Variants in MSRA observed in about 807,000 individuals in gnomAD.
MSRA encodes the protein mitochondrial peptide methionine sulfoxide reductase.
MSRA carries 54 observed loss-of-function variants against 31.3 expected under a neutral mutation model. The ratio of observed to expected loss-of-function variants is 1.73; its 90% CI spans 1.39 to 2.17. The LOEUF is 2.17. MSRA is among the 30% of genes most tolerant of loss of function. MSRA has a pLI of 0.00. For synonymous variants in MSRA, 169 were observed against 116.5 expected, an observed-to-expected ratio of 1.45 and a Z score of -2.90; for missense variants, 507 against 300.9, an observed-to-expected ratio of 1.69 and a Z score of -5.07.
intron 1 of MSRA, among the ~76,000 whole-genome samples, chr8:10,125,483 G>A (rs1227721356): frequency 2.6e-5 from 4 of 152,208 alleles, no homozygotes; most frequent in African/African-American, 9.6e-5. Context: ...CAGGGCCAGA[G>A]GGAGTCAGTT....
In MSRA at chr8:10,428,051, G is replaced by T. The variant is rs571592064; in HGVS notation, c.544-97G>T. 4.4e-6 allele frequency: 6 copies of T among 1,350,112 alleles called. No homozygotes were observed. In the South Asian group the frequency reaches 6.0e-5, roughly 13 times the overall value. The allele number at this position is 1,350,112 out of a possible 1,614,324, so 83.6% of individuals were successfully genotyped here. On this transcript the variant is annotated intron_variant, in intron 5 of 5. Transcript: ENST00000317173. Reference sequence around the variant, plus strand: ...GGACCCACTGCACATCCCAAGCCACGCGTCTGCTCACTGCAGCCCTGGCCC... The same window carrying T: ...GGACCCACTGCACATCCCAAGCCACTCGTCTGCTCACTGCAGCCCTGGCCC...
At chr8:10,125,151 C>T (rs921341653) in intron 1 of MSRA, among the ~76,000 whole-genome samples, 2 of 152,218 alleles carry the variant, frequency 1.3e-5, no homozygotes, top group African/African-American at 4.8e-5. Flanking sequence ...TGTGCTTGAA[C>T]ATTGTAATGG....
intron 5 of MSRA, among the ~76,000 whole-genome samples, chr8:10,419,913 C>T (rs866604173): frequency 3.2e-4 from 49 of 152,342 alleles, no homozygotes; most frequent in African/African-American, 1.1e-3. Flanking sequence ...CTTCTGCTGT[C>T]ACGTTCCTTT....
intron 5 of MSRA, chr8:10,326,365 T>A (rs1464226186): frequency 6.6e-6 from 1 of 152,184 alleles, no homozygotes; most frequent in Non-Finnish European, 1.5e-5. Context: ...GATTTTCCAT[T>A]GAAACTGTGG....
At chr8:10,276,063 C>T (rs997211564) in intron 3 of MSRA, among the ~76,000 whole-genome samples, 1 of 152,184 alleles carries the variant, frequency 6.6e-6, no homozygotes, top group East Asian at 1.9e-4. Context: ...CCTCTCGCTC[C>T]GTGTCTGGGC....
chr8:10,066,755 G>T (rs1352125474), intron 1 of MSRA, among the ~76,000 whole-genome samples: 7 of 151,968 alleles, frequency 4.6e-5, no homozygotes. Context: ...GGCTGGTCTC[G>T]AACTCCTGAC....
intron 3 of MSRA, among the ~76,000 whole-genome samples, chr8:10,283,836 T>TATATATATATATACACACACACAC (rs1261287031): frequency 1.7e-4 from 9 of 53,150 alleles, no homozygotes; most frequent in African/African-American, 2.6e-4. Context: ...TATATATATA[T>TATATATATATATACACACACACAC]ACACACACAC....
chr8:10,199,164 A>G (rs1186056276), intron 1 of MSRA, among the ~76,000 whole-genome samples: 1 of 152,106 alleles, frequency 6.6e-6, no homozygotes, highest in African/African-American at 2.4e-5. Context: ...AATGGTTTCC[A>G]TGCTGTCTTC....
chr8:10,206,842 T>C (rs1218508164), intron 1 of MSRA, among the ~76,000 whole-genome samples: 1 of 152,196 alleles, frequency 6.6e-6, no homozygotes. Context: ...TTTTTGCAGT[T>C]GTTATTTCTT....
At chr8:10,361,608 G>C (rs1221309528) in intron 5 of MSRA, among the ~76,000 whole-genome samples, 2 of 152,166 alleles carry the variant, frequency 1.3e-5, no homozygotes, top group African/African-American at 4.8e-5. Context: ...TACTGGGAGA[G>C]CATACTTGAG....
intron 5 of MSRA, among the ~76,000 whole-genome samples, chr8:10,386,217 G>C (rs1806382804): frequency 6.6e-6 from 1 of 152,178 alleles, no homozygotes; most frequent in African/African-American, 2.4e-5. Context: ...ACCTCGGAGA[G>C]GGGAAACGAT....
chr8:10,416,053 G>A (rs1031766693), intron 5 of MSRA, among the ~76,000 whole-genome samples: 1 of 152,106 alleles, frequency 6.6e-6, no homozygotes, highest in Non-Finnish European at 1.5e-5. Context: ...CCTGGGGTGT[G>A]GCTGTTGGTG....
Position 10,277,808 on chromosome 8 carries a change from T to G in MSRA, c.332-23726T>G, listed in dbSNP as rs531818267. ...GTATGGGAGGTAATGCATATGCTCA[T>G]TAGCTTGATTTAGCCCTTCAACAAT... On this transcript the variant is annotated intron_variant, in intron 3 of 5. Coordinates refer to ENST00000317173, the MANE Select transcript of MSRA (RefSeq NM_012331.5). Among the ~76,000 whole-genome samples, 8 of 150,480 alleles carry G rather than the reference T, an allele frequency of 5.3e-5. No individual in the cohort carries two copies. The East Asian group carries it at 1.4e-3, about 26-fold the overall frequency.
intron 1 of MSRA, among the ~76,000 whole-genome samples, chr8:10,082,173 C>G (rs1798328187): frequency 6.6e-6 from 1 of 152,054 alleles, no homozygotes. Context: ...CCACTATACT[C>G]CAGTCTGGGT....
intron 3 of MSRA, among the ~76,000 whole-genome samples, chr8:10,257,973 A>G (rs1237241405): frequency 2.0e-5 from 3 of 152,210 alleles, no homozygotes; most frequent in Non-Finnish European, 2.9e-5. Flanking sequence ...GCCTTTACAT[A>G]TGAGCTTGGA....
At chr8:10,300,638 C>T (rs1325792032) in intron 3 of MSRA, among the ~76,000 whole-genome samples, 2 of 152,140 alleles carry the variant, frequency 1.3e-5, no homozygotes, top group Non-Finnish European at 2.9e-5. Flanking sequence ...GCACCCTCCT[C>T]GGCCTCTCAA....
intron 3 of MSRA, among the ~76,000 whole-genome samples, chr8:10,266,727 C>G (rs1381447517): frequency 4.6e-5 from 7 of 151,982 alleles, no homozygotes; most frequent in East Asian, 1.9e-4. Flanking sequence ...AGTCTGCAAT[C>G]CATTTTGATT....
At chr8:10,245,818 A>C (rs1563264091) in intron 3 of MSRA, among the ~76,000 whole-genome samples, 2 of 152,228 alleles carry the variant, frequency 1.3e-5, no homozygotes, top group Admixed American at 1.3e-4. Context: ...CCATTGGCCA[A>C]AGCAAGTCAT....
chr8:10,151,800 C>G (rs1192228430), intron 1 of MSRA, among the ~76,000 whole-genome samples: 1 of 152,192 alleles, frequency 6.6e-6, no homozygotes, highest in Non-Finnish European at 1.5e-5. Context: ...ACCTGCCAAT[C>G]TTATTTCTTA....
Sources: allele counts gnomAD v4.1 joint callset (sites outside exome capture counted in the v4.1 genomes callset), GRCh38; gene constraint gnomAD v4.1.1; transcripts MANE v1.5; gene names NCBI Gene and HGNC (gene_info 2026-07-23, HGNC 2026-07-21).